ADCY2: variants seen among roughly 807,000 people sequenced by gnomAD.
ADCY2 encodes adenylate cyclase type 2.
A neutral mutation model predicts 125.2 loss-of-function variants in ADCY2; 31 were observed. The observed-to-expected ratio is 0.25, with a 90% confidence interval of 0.19 to 0.33. ADCY2 has a LOEUF of 0.33. Among genes scored for constraint, ADCY2 ranks in the 10% least tolerant of loss-of-function variants. ADCY2 has a pLI of 1.00. For missense variants in ADCY2, 904 were observed against 1,418.2 expected, an observed-to-expected ratio of 0.64 and a Z score of 5.82; for synonymous variants, 512 against 548.4, an observed-to-expected ratio of 0.93 and a Z score of 0.93.
intron 24 of ADCY2, among the ~76,000 whole-genome samples, chr5:7,826,256 T>G (rs975703760): frequency 6.6e-6 from 1 of 152,172 alleles, no homozygotes; most frequent in Non-Finnish European, 1.5e-5. Flanking sequence ...TGATTAATGT[T>G]TATTTCATGA....
At position 7,757,579 on chromosome 5, in the gene ADCY2, T is replaced by A; in HGVS notation, c.2087T>A (p.Phe696Tyr). 1.3e-6 allele frequency: 2 copies of A among 1,565,744 alleles called. No homozygotes were observed. Among genetic ancestry groups the A allele is most frequent in the African/African-American group, 1.4e-5 (1 of 73,398 alleles). The change falls in exon 16 of 25, where the codon TTC (phenylalanine) becomes TAC (tyrosine). Residue 696 changes from phenylalanine to tyrosine, a missense_variant. By Grantham distance (22) the Phe-to-Tyr change is conservative (BLOSUM62 3). This residue lies in a region of ADCY2 where 221 missense variants were observed against 246.2 expected (regional missense o/e 0.90). Coordinates refer to ENST00000338316, the MANE Select transcript of ADCY2 (RefSeq NM_020546.3). Reference protein sequence around the residue: ...TTAIILMMAVFNMFFLSDSEE... With the variant: ...TTAIILMMAVYNMFFLSDSEE... ...GCCATCATATTAATGATGGCCGTGT[T>A]CAACATGGTAAGTCCCAGAGCACGG...
chr5:7,519,419 G>C (rs568633377), intron 2 of ADCY2, among the ~76,000 whole-genome samples: 1 of 152,210 alleles, frequency 6.6e-6, no homozygotes, highest in East Asian at 1.9e-4. Flanking sequence ...CTGAAAGTGG[G>C]GCATGCTTTC....
chr5:7,793,252 G>A (rs376061957), intron 20 of ADCY2, among the ~76,000 whole-genome samples: 2 of 152,310 alleles, frequency 1.3e-5, no homozygotes, highest in African/African-American at 2.4e-5. Context: ...TTCAAGACCA[G>A]TCTGGCCAAC....
intron 22 of ADCY2, among the ~76,000 whole-genome samples, chr5:7,808,743 C>G (rs1744841824): frequency 2.0e-5 from 3 of 152,182 alleles, no homozygotes; most frequent in Admixed American, 2.0e-4. Context: ...ATCCCTGCAC[C>G]CCTACATTTG....
rs1025867145 is a variant in ADCY2 at position 7,631,052 on chromosome 5, A to C, written c.720+4736A>C. On this transcript the variant is annotated intron_variant, in intron 4 of 24. Coordinates refer to ENST00000338316, the MANE Select transcript of ADCY2 (RefSeq NM_020546.3). Reference sequence around the variant, plus strand: ...GCAATCCACCCACCTTGGCTTCCCAAAGTGCTGGGATTACAGGCATGAGCC... The same window carrying C: ...GCAATCCACCCACCTTGGCTTCCCACAGTGCTGGGATTACAGGCATGAGCC... 5.3e-5 allele frequency among the ~76,000 whole-genome samples: 8 copies of C among 152,132 alleles called. No homozygotes were observed. The Middle Eastern group carries it at 0.01, about 194-fold the overall frequency.
chr5:7,819,578 C>T (rs531730075), intron 23 of ADCY2, among the ~76,000 whole-genome samples: 2 of 152,300 alleles, frequency 1.3e-5, no homozygotes, highest in African/African-American at 2.4e-5. Context: ...CCCTCAACCC[C>T]ATATATCAGC....
chr5:7,735,614 C>T (rs6885617), intron 14 of ADCY2, among the ~76,000 whole-genome samples: 150,998 of 152,360 alleles, frequency 0.99, 74,835 homozygotes, highest in Middle Eastern at 1. Context: ...ATTAATGTGA[C>T]CTATTAATAG....
At chr5:7,673,022 C>G (rs1269271768) in intron 4 of ADCY2, among the ~76,000 whole-genome samples, 1 of 151,830 alleles carries the variant, frequency 6.6e-6, no homozygotes, top group African/African-American at 2.4e-5. Flanking sequence ...AGAGGACATG[C>G]CTCCTTGGAA....
intron 24 of ADCY2, among the ~76,000 whole-genome samples, chr5:7,824,952 C>T (rs984129894): frequency 2.6e-5 from 4 of 152,222 alleles, no homozygotes; most frequent in Admixed American, 6.5e-5. Context: ...TTGCTGTTGA[C>T]ACGGCCCCCA....
intron 22 of ADCY2, among the ~76,000 whole-genome samples, chr5:7,807,089 T>G (rs1744780245): frequency 6.6e-6 from 1 of 152,110 alleles, no homozygotes; most frequent in Admixed American, 6.5e-5. Context: ...CTAACAATAC[T>G]TTGGCAGGGC....
At chr5:7,554,656 GTTGTT>G (rs1186083759) in intron 3 of ADCY2, among the ~76,000 whole-genome samples, 1 of 152,066 alleles carries the variant, frequency 6.6e-6, no homozygotes, top group African/African-American at 2.4e-5. Context: ...AGTTTTTTGT[GTTGTT>G]TTGTTTTAAG....
At chr5:7,593,844 G>A (rs141518707) in intron 3 of ADCY2, among the ~76,000 whole-genome samples, 1 of 152,268 alleles carries the variant, frequency 6.6e-6, no homozygotes, top group East Asian at 1.9e-4. Flanking sequence ...ACTTCTGTAA[G>A]AAGAAAAGTA....
At chr5:7,741,583 CCTA>C (rs1742408923) in intron 14 of ADCY2, among the ~76,000 whole-genome samples, 1 of 7,426 alleles carries the variant, frequency 1.3e-4, no homozygotes, top group African/African-American at 4.8e-4. Context: ...CATCACCATC[CCTA>C]TCACCATCAC....
chr5:7,776,365 C>A (rs1743726815), intron 18 of ADCY2, among the ~76,000 whole-genome samples: 1 of 152,028 alleles, frequency 6.6e-6, no homozygotes, highest in African/African-American at 2.4e-5. Context: ...GGCATTTTGT[C>A]CCATCCGTTT....
intron 2 of ADCY2, among the ~76,000 whole-genome samples, chr5:7,476,667 T>G (rs1742536451): frequency 1.3e-5 from 2 of 152,146 alleles, no homozygotes; most frequent in South Asian, 4.1e-4. Context: ...AAAAGCCGCT[T>G]CTCAGAGCTG....
chr5:7,693,420 T>G lies in ADCY2; in HGVS notation c.870-2332T>G, dbSNP rs7442800. 5.1e-3 allele frequency among the ~76,000 whole-genome samples: 646 copies of G among 127,388 alleles called. 15 individuals carry two copies. Among genetic ancestry groups the G allele is most frequent in the African/African-American group, 8.9e-3 (314 of 35,288 alleles). 83.6% of individuals were successfully genotyped at this position (127,388 alleles called of 152,430 possible). A position where few individuals can be genotyped will look rare whatever the true frequency, so the allele number is the denominator to read the frequency against. Reference sequence around the variant, plus strand: ...AATTGCCTGCTGTTTTTTGTTTTTTTTTTTTTTTTTTTTTTTGAGACGGAG... The same window carrying G: ...AATTGCCTGCTGTTTTTTGTTTTTTGTTTTTTTTTTTTTTTTGAGACGGAG... On this transcript the variant is annotated intron_variant, in intron 5 of 24. Coordinates refer to ENST00000338316, the MANE Select transcript of ADCY2 (RefSeq NM_020546.3).
chr5:7,754,693 C>A (rs1464860826), intron 15 of ADCY2, among the ~76,000 whole-genome samples: 1 of 143,736 alleles, frequency 7.0e-6, no homozygotes, highest in Non-Finnish European at 1.5e-5. Context: ...AAAGTAGTTG[C>A]GGTTTAAAGG....
chr5:7,427,754 G>T (rs921163350), intron 2 of ADCY2, among the ~76,000 whole-genome samples: 2 of 152,152 alleles, frequency 1.3e-5, no homozygotes, highest in African/African-American at 2.4e-5. Flanking sequence ...TTTTGGTGGG[G>T]AAGGGGACCA....
At chr5:7,741,008 G>C (rs1364749321) in intron 14 of ADCY2, among the ~76,000 whole-genome samples, 2 of 152,030 alleles carry the variant, frequency 1.3e-5, no homozygotes, top group Non-Finnish European at 2.9e-5. Flanking sequence ...TATTCCTTGA[G>C]AAGGTCAACA....
Sources: gnomAD v4.1 joint callset for allele counts (sites outside exome capture counted in the v4.1 genomes callset) on GRCh38, gnomAD v4.1.1 for gene constraint, gnomAD v4.1.1 regional missense constraint, MANE v1.5 for transcripts, NCBI Gene and HGNC (gene_info 2026-07-23, HGNC 2026-07-21) for gene names.